Variants in ANKRD27 observed in about 807,000 individuals in gnomAD.
ANKRD27 encodes ankyrin repeat domain 27, also known as ankyrin repeat domain-containing protein 27.
Under a neutral mutation model 129.7 loss-of-function variants are expected in ANKRD27, and 112 were observed. The ratio of observed to expected loss-of-function variants is 0.86; its 90% confidence interval spans 0.74 to 1.01. ANKRD27 has a LOEUF of 1.01. ANKRD27 is among the 50% of genes least tolerant of loss of function. The probability of loss-of-function intolerance (pLI) is 0.00; values close to 1 mark genes in which losing one functional copy is unlikely to be tolerated. For missense variants in ANKRD27, 1,258 were observed against 1,300.5 expected (o/e 0.97, Z 0.50); for synonymous variants, 516 against 511.2 (o/e 1.01, Z -0.13).
At chr19:32,603,788 C>G (rs1203607588) in intron 25 of ANKRD27, among the ~76,000 whole-genome samples, 1 of 152,200 alleles carries the variant, frequency 6.6e-6, no homozygotes, top group Non-Finnish European at 1.5e-5. Flanking sequence ...ATCCTCCTTC[C>G]TTGGCCTCCC....
At chr19:32,655,489 G>A (rs188744869) in intron 2 of ANKRD27, among the ~76,000 whole-genome samples, 72 of 152,284 alleles carry the variant, frequency 4.7e-4, no homozygotes, top group African/African-American at 1.2e-3. Context: ...TCCATTCTCC[G>A]GTGTCCCTGA....
chr19:32,630,576 A>G (rs1350345509), intron 13 of ANKRD27, among the ~76,000 whole-genome samples: 1 of 152,200 alleles, frequency 6.6e-6, no homozygotes, highest in Admixed American at 6.5e-5. Context: ...CTGAGAAAGC[A>G]AGAGGCCTGG....
intron 3 of ANKRD27, 149 bp downstream of exon 3, chr19:32,649,533 G>T: frequency 1.6e-6 from 1 of 630,982 alleles, no homozygotes. Context: ...ACAAAGGCAG[G>T]GTCCCTCCAG....
intron 16 of ANKRD27, 85 bp downstream of exon 16, chr19:32,626,627 T>A: frequency 9.9e-7 from 1 of 1,011,076 alleles, no homozygotes. Flanking sequence ...GGGTGCAGGG[T>A]AGCCAGCATG....
chr19:32,646,359 A>G (rs1967302825), intron 4 of ANKRD27, 100 bp downstream of exon 4: 9 of 1,265,996 alleles, frequency 7.1e-6, no homozygotes, highest in Non-Finnish European at 9.8e-6. Flanking sequence ...GCGAGCCACC[A>G]TACCCGGCCT....
intron 1 of ANKRD27, among the ~76,000 whole-genome samples, chr19:32,660,512 C>T (rs1392142961): frequency 2.0e-5 from 3 of 151,674 alleles, no homozygotes; most frequent in African/African-American, 7.3e-5. Flanking sequence ...AGCGAGACTC[C>T]GTTTCAAAAA....
chr19:32,628,287 T>A, intron 14 of ANKRD27, 122 bp from the exon 15 acceptor site: 1 of 760,358 alleles, frequency 1.3e-6, no homozygotes, highest in South Asian at 1.7e-5. Flanking sequence ...ACCCAAGAGA[T>A]GTGTGTCTCC....
At chr19:32,619,704 T>C in intron 18 of ANKRD27, 151 bp from the exon 19 acceptor site, 2 of 933,752 alleles carry the variant, frequency 2.1e-6, no homozygotes, top group Non-Finnish European at 3.3e-6. Context: ...CACCCTTGGA[T>C]AGACAGAAAA....
chr19:32,639,966 C>T (rs1189176269), intron 11 of ANKRD27, among the ~76,000 whole-genome samples: 1 of 151,540 alleles, frequency 6.6e-6, no homozygotes, highest in Non-Finnish European at 1.5e-5. Context: ...GCAGTGCTGC[C>T]ATTTTTTTTT....
Position 32,656,103 on chromosome 19 carries a change from G to GAAAGAAAGAAAGAAAGGAAAAGAAAAGA in ANKRD27, c.102+2810_102+2811insTCTTTTCTTTTCCTTTCTTTCTTTCTTT, listed in dbSNP as rs1555747136. The stretch of plus-strand genomic sequence containing the variant: ...AGAAAGAAAGAAAGAAAGAAAGAAA[G>GAAAGAAAGAAAGAAAGGAAAAGAAAAGA]AAAGAAAAGAAAAGAAAAGAAAAGA... On this transcript the variant is annotated intron_variant, in intron 2 of 28. Coordinates refer to ENST00000306065, the MANE Select transcript of ANKRD27 (RefSeq NM_032139.3). Among the ~76,000 whole-genome samples the GAAAGAAAGAAAGAAAGGAAAAGAAAAGA allele has an allele frequency of 2.7e-4, 34 of 123,752 alleles. 1 individual carries two copies. In the South Asian group the frequency reaches 4.1e-3, roughly 15 times the overall value. 81.2% of individuals were successfully genotyped at this position (123,752 alleles called of 152,430 possible).
chr19:32,669,891 G>A (rs968166136), intron 1 of ANKRD27, among the ~76,000 whole-genome samples: 1 of 151,898 alleles, frequency 6.6e-6, no homozygotes, highest in African/African-American at 2.4e-5. Context: ...CAGCTACTTG[G>A]AGGCTGAGGC....
intron 11 of ANKRD27, among the ~76,000 whole-genome samples, chr19:32,640,088 A>C (rs556539669): frequency 6.6e-6 from 1 of 152,140 alleles, no homozygotes; most frequent in Non-Finnish European, 1.5e-5. Context: ...CAGCCTCCTG[A>C]GTAGCTGGGA....
At chr19:32,626,005 G>A (rs200159829) in intron 16 of ANKRD27, 39 bp from the exon 17 acceptor site, 97 of 1,527,936 alleles carry the variant, frequency 6.3e-5, no homozygotes, top group East Asian at 4.2e-4. Context: ...GGGCACAGCC[G>A]GCTCCCTGGG....
rs1222456754 is a variant in ANKRD27, at chr19:32,600,054, TAGATAAAA to T, written c.2768-12_2768-5del. 1.9e-6 allele frequency: 3 copies of T among 1,605,114 alleles called. No individual in the cohort carries two copies. The highest frequency in any genetic ancestry group is 1.1e-5 in the South Asian group (1 of 90,560). On this transcript the variant is annotated splice_polypyrimidine_tract_variant and splice_region_variant and intron_variant, in intron 26 of 28. Coordinates refer to ENST00000306065, the MANE Select transcript of ANKRD27 (RefSeq NM_032139.3). The stretch of plus-strand genomic sequence containing the variant: ...AGATCATACAGTTTTGAGTTCCCTG[TAGATAAAA>T]AGATAAACATCTAAAAACTTCAAAA...
intron 21 of ANKRD27, among the ~76,000 whole-genome samples, chr19:32,616,806 C>A (rs962163761): frequency 1.3e-5 from 2 of 152,200 alleles, no homozygotes; most frequent in East Asian, 3.9e-4. Flanking sequence ...CTCAGGCCCC[C>A]TCTCGTGGCC....
At position 32,622,448 on chromosome 19, in the gene ANKRD27, G is replaced by A; in HGVS notation, c.1801C>T (p.Pro601Ser). ...TEIQNRLKET[P>S]LKCALNSKIL... is the part of the protein sequence containing the mutation. ...TTTGAGTTTAATGCACACTTGAGGG[G>A]CGTCTCCTTCAGTCTGTTCTGGATC... The change falls in exon 18 of 29, where the codon CCC becomes TCC. Residue 601 changes from proline to serine, a missense_variant. Pro to Ser is a moderately conservative substitution (Grantham distance 74). Transcript: ENST00000306065. 1.2e-6 allele frequency: 2 copies of A among 1,613,830 alleles called. No homozygotes were observed. Among genetic ancestry groups the A allele is most frequent in the Non-Finnish European group, 1.7e-6 (2 of 1,180,016 alleles).
chr19:32,643,576 T>G lies in ANKRD27; in HGVS notation c.581A>C (p.His194Pro). ...KCLQQLLRDS[H>P]LKMLAKQEAQ... ...CTCAGAAGTCCTGCTGCTTACCAGGTGAGAGTCCCTCAGAAGCTGCTGGAG... is the reference window on the plus strand; with the variant it reads ...CTCAGAAGTCCTGCTGCTTACCAGGGGAGAGTCCCTCAGAAGCTGCTGGAG... The change falls in exon 6 of 29, where the codon CAC becomes CCC. Residue 194 changes from histidine to proline, a missense_variant. By Grantham distance (77) the His-to-Pro change is moderately conservative. Transcript: ENST00000306065. 1 of 1,613,848 alleles carries G rather than the reference T, an allele frequency of 6.2e-7. No homozygotes were observed.
chr19:32,626,824 T>C lies in ANKRD27; in HGVS notation c.1424A>G (p.Gln475Arg), dbSNP rs375809199. ...TPLHVAAVCG[Q>R]ASLIDLLVSK... ...AACCAGGAGGTCGATGAGGGATGCC[T>C]GCCCTGCAGAGCAGAAGGACGTCAC... is the stretch of plus-strand genomic sequence containing the variant. The change falls in exon 16 of 29, where the codon CAG becomes CGG. Residue 475 changes from glutamine to arginine, a missense_variant. Physicochemically the swap from Gln to Arg is conservative, Grantham distance 43 (BLOSUM62 1). Coordinates refer to ENST00000306065, the MANE Select transcript of ANKRD27 (RefSeq NM_032139.3). The C allele has an allele frequency of 3.7e-6, 6 of 1,607,148 alleles. No individual in the cohort carries two copies. The African/African-American group carries it at 8.0e-5, about 21-fold the overall frequency.
intron 1 of ANKRD27, chr19:32,673,210 C>A: frequency 1.2e-6 from 1 of 861,464 alleles, no homozygotes; most frequent in Non-Finnish European, 1.4e-6. Flanking sequence ...TTCAGGTCAC[C>A]AGGCAAGACT....
Sources: gnomAD v4.1 joint callset for allele counts (sites outside exome capture counted in the v4.1 genomes callset) on GRCh38, gnomAD v4.1.1 for gene constraint, MANE v1.5 for transcripts, NCBI Gene and HGNC (gene_info 2026-07-23, HGNC 2026-07-21) for gene names.